KPNB1: variants seen among roughly 807,000 people sequenced by gnomAD.
KPNB1 encodes the protein karyopherin subunit beta 1, also known as importin subunit beta-1.
Under a neutral mutation model 113.0 loss-of-function variants are expected in KPNB1, and 7 were observed. The ratio of observed to expected loss-of-function variants is 0.06; its 90% CI spans 0.04 to 0.12. The LOEUF is 0.12. Among genes scored for constraint, KPNB1 ranks in the 10% least tolerant of loss-of-function variants. The pLI, the probability that KPNB1 is intolerant of heterozygous loss-of-function variation, is 1.00. For missense variants in KPNB1, 400 were observed against 1,054.8 expected (o/e 0.38, Z 8.60); for synonymous variants, 363 against 378.6 (o/e 0.96, Z 0.48).
At chr17:47,668,461 C>A in intron 10 of KPNB1, 51 bp downstream of exon 10, 3 of 1,405,332 alleles carry the variant, frequency 2.1e-6, no homozygotes, top group Non-Finnish European at 3.0e-6. Context: ...ATTGTTTAAA[C>A]TTAAAGCATA....
At chr17:47,677,751 C>T (rs953164035) in intron 17 of KPNB1, among the ~76,000 whole-genome samples, 8 of 152,118 alleles carry the variant, frequency 5.3e-5, no homozygotes, top group African/African-American at 1.9e-4. Flanking sequence ...AGCAGGGGAC[C>T]ATTTGTATAT....
intron 12 of KPNB1, 69 bp from the exon 13 acceptor site, chr17:47,672,949 A>G (rs1206624106): frequency 6.8e-7 from 1 of 1,466,666 alleles, no homozygotes; most frequent in African/African-American, 1.4e-5. Flanking sequence ...ATTTTTGGCA[A>G]GACATTGTCT....
In KPNB1 at chr17:47,684,575, T is replaced by A. The variant is rs2030887763; in HGVS notation, c.*2171T>A. 1 of 152,344 alleles carries A rather than the reference T, an allele frequency of 6.6e-6. No individual in the cohort carries two copies. The highest frequency in any genetic ancestry group is 2.1e-4 in the South Asian group (1 of 4,818). The allele number at this position is 152,344 out of a possible 1,614,324, so 9.4% of individuals were successfully genotyped here. On this transcript the variant is annotated 3_prime_UTR_variant, in exon 22 of 22. Transcript: ENST00000290158. The stretch of plus-strand genomic sequence containing the variant: ...AGAAATATTGGGGATAGAAAAAAAA[T>A]CTGATCATTCCTCAGTGCTACCCAT...
At chr17:47,650,546 C>A in intron 2 of KPNB1, 102 bp downstream of exon 2, 1 of 870,402 alleles carries the variant, frequency 1.1e-6, no homozygotes, top group Non-Finnish European at 1.8e-6. Flanking sequence ...CCTACCCCGC[C>A]CCATCCCGTC....
chr17:47,654,769 C>T (rs1915673802), intron 3 of KPNB1, among the ~76,000 whole-genome samples: 1 of 152,170 alleles, frequency 6.6e-6, no homozygotes, highest in Admixed American at 6.5e-5. Flanking sequence ...GGATTCAGTG[C>T]ACTCCACATA....
rs112889900 is a variant in KPNB1, at chr17:47,663,475, C to T, written c.786+297C>T. 2.5e-3 allele frequency among the ~76,000 whole-genome samples: 385 copies of T among 151,430 alleles called. 3 individuals are homozygous for T. Among genetic ancestry groups the T allele is most frequent in the African/African-American group, 9.0e-3 (371 of 41,198 alleles). ...GGTCAGGAGTTCGAGACCAGCCTGG[C>T]CAATATGGTGAAACCCCGTCTATAC... On this transcript the variant is annotated intron_variant, in intron 7 of 21. Transcript: ENST00000290158.
rs1164652643 is a variant in KPNB1 at position 47,683,163 on chromosome 17, T to TG, written c.*759_*760insG. The stretch of plus-strand genomic sequence containing the variant: ...ACGCTCTTTAGGTTTTGTTTTGTTT[T>TG]TTTTTTTTGGTTTTGTTTTTTGTTT... On this transcript the variant is annotated 3_prime_UTR_variant, in exon 22 of 22. Coordinates refer to ENST00000290158, the MANE Select transcript of KPNB1 (RefSeq NM_002265.6). 18 of 149,090 alleles carry TG rather than the reference T, an allele frequency of 1.2e-4. No individual in the cohort carries two copies. Among genetic ancestry groups the TG allele is most frequent in the Middle Eastern group, 3.5e-3 (1 of 284 alleles). The allele number at this position is 149,090 out of a possible 1,614,324, so 9.2% of individuals were successfully genotyped here. A position where few individuals can be genotyped will look rare whatever the true frequency, so the allele number is the denominator to read the frequency against.
chr17:47,683,480 A>G lies in KPNB1; in HGVS notation c.*1076A>G, dbSNP rs2030856477. On this transcript the variant is annotated 3_prime_UTR_variant, in exon 22 of 22. Coordinates refer to ENST00000290158, the MANE Select transcript of KPNB1 (RefSeq NM_002265.6). ...CCTGACTTGTATTGTGGCAGTCTGA[A>G]CGCCCCCAGAAAATTGTGCCAAAGA... is the stretch of plus-strand genomic sequence containing the variant. 6.6e-6 allele frequency: 1 copy of G among 152,544 alleles called. No homozygotes were observed. The highest frequency in any genetic ancestry group is 1.5e-5 in the Non-Finnish European group (1 of 68,036). The allele number at this position is 152,544 out of a possible 1,614,324, so 9.4% of individuals were successfully genotyped here.
chr17:47,673,716 G>C (rs1597936602), intron 14 of KPNB1, 155 bp downstream of exon 14: 8 of 625,558 alleles, frequency 1.3e-5, no homozygotes, highest in African/African-American at 9.2e-5. Flanking sequence ...TGGTTGATTG[G>C]GAGAGGAATT....
chr17:47,652,888 T>C lies in KPNB1; in HGVS notation c.282+12T>C. 6.4e-7 allele frequency: 1 copy of C among 1,550,968 alleles called. No individual in the cohort carries two copies. ...AAGTCAAGAACTATGTGAGTAACGC[T>C]TATCTGTTTGGTTATATTGCCCAGA... On this transcript the variant is annotated intron_variant, in intron 3 of 21. Transcript: ENST00000290158.
rs140217625 is a variant in KPNB1, at chr17:47,681,968, G to A, written c.*-436G>A. Among the ~76,000 whole-genome samples the A allele has an allele frequency of 8.8e-3, 1,335 of 152,162 alleles. 9 individuals carry two copies. The highest frequency in any genetic ancestry group is 0.014 in the Non-Finnish European group (944 of 67,992). ...CTGCCTCAGCCTCCCAGGTGGTTGG[G>A]ACTGCAGGCAAGCACCTCCATGACT... On this transcript the variant is annotated intron_variant, in intron 21 of 21. Coordinates refer to ENST00000290158, the MANE Select transcript of KPNB1 (RefSeq NM_002265.6).
intron 19 of KPNB1, 41 bp downstream of exon 19, chr17:47,678,454 G>C (rs749559999): frequency 1.4e-6 from 2 of 1,410,280 alleles, no homozygotes; most frequent in African/African-American, 2.8e-5. Context: ...GCTCGCCAAT[G>C]TGCACTTAGC....
At chr17:47,668,099 AAAGAC>A in intron 9 of KPNB1, 82 bp from the exon 10 acceptor site, 1 of 1,008,584 alleles carries the variant, frequency 9.9e-7, no homozygotes, top group Non-Finnish European at 1.5e-6. Flanking sequence ...TTTAAGTTCT[AAAGAC>A]ATTCAAGAGT....
In KPNB1 at chr17:47,656,092, A is replaced by G. The variant is rs565688301; in HGVS notation, c.283-768A>G. 2.6e-5 allele frequency among the ~76,000 whole-genome samples: 4 copies of G among 152,166 alleles called. No individual in the cohort carries two copies. The South Asian group carries it at 8.3e-4, about 32-fold the overall frequency. On this transcript the variant is annotated intron_variant, in intron 3 of 21. Coordinates refer to ENST00000290158, the MANE Select transcript of KPNB1 (RefSeq NM_002265.6). ...AACATGGTGAAACCCCATCTCTACT[A>G]AAAATACAAAAACTAGCCGGGCATG... is the stretch of plus-strand genomic sequence containing the variant.
intron 21 of KPNB1, 32 bp downstream of exon 21, chr17:47,680,701 C>G (rs1337862609): frequency 6.2e-7 from 1 of 1,600,022 alleles, no homozygotes; most frequent in Non-Finnish European, 8.5e-7. Context: ...CCTCTTTCTT[C>G]TACTTCCTGG....
chr17:47,677,429 G>A (rs570015245), intron 17 of KPNB1, among the ~76,000 whole-genome samples: 2 of 139,002 alleles, frequency 1.4e-5, no homozygotes, highest in East Asian at 4.2e-4. Flanking sequence ...CCAAGATCAC[G>A]CCATTGCACT....
chr17:47,654,247 T>C (rs1466793437), intron 3 of KPNB1, among the ~76,000 whole-genome samples: 1 of 152,048 alleles, frequency 6.6e-6, no homozygotes, highest in South Asian at 2.1e-4. Context: ...AAACCCTGTC[T>C]CTACTAAAAA....
chr17:47,679,834 C>T (rs2030718972), intron 19 of KPNB1, 186 bp from the exon 20 acceptor site: 6 of 454,492 alleles, frequency 1.3e-5, no homozygotes, highest in Non-Finnish European at 2.4e-5. Context: ...GTAGCTGGGA[C>T]TACAGGCGCC....
At chr17:47,655,469 T>A (rs894762116) in intron 3 of KPNB1, among the ~76,000 whole-genome samples, 1 of 152,244 alleles carries the variant, frequency 6.6e-6, no homozygotes, top group East Asian at 1.9e-4. Flanking sequence ...TTCATAGGTG[T>A]TATTAACATC....
Sources: allele counts gnomAD v4.1 joint callset (sites outside exome capture counted in the v4.1 genomes callset), GRCh38; gene constraint gnomAD v4.1.1; transcripts MANE v1.5; gene names NCBI Gene and HGNC (gene_info 2026-07-23, HGNC 2026-07-21).